Variants in ATP13A2 observed in about 807,000 individuals in gnomAD.
The protein encoded by ATP13A2 is polyamine-transporting ATPase 13A2.
ATP13A2 carries 83 observed loss-of-function variants against 138.3 expected under a neutral mutation model. The ratio of observed to expected loss-of-function variants is 0.60; its 90% CI spans 0.50 to 0.72. ATP13A2 has a LOEUF of 0.72. Among genes scored for constraint, ATP13A2 ranks in the 30% least tolerant of loss-of-function variants. ATP13A2 has a pLI of 0.00. For missense variants in ATP13A2, 1,402 were observed against 1,606.4 expected (o/e 0.87, Z 2.17); for synonymous variants, 663 against 699.0 (o/e 0.95, Z 0.81).
chr1:16,992,565 G>A lies in ATP13A2; in HGVS notation c.1766C>T (p.Pro589Leu), dbSNP rs758992649. The A allele has an allele frequency of 6.7e-5, 108 of 1,614,098 alleles. No homozygotes were observed. The highest frequency in any genetic ancestry group is 2.5e-4 in the South Asian group (23 of 91,090). ...ESTGWVLEEE[P>L]AADSAFGTQV... ...GGTCCCAAATGCTGAGTCTGCAGCCGGCTCTTCCTCCAGGACCTGGCAGGC... is the reference window on the plus strand; with the variant it reads ...GGTCCCAAATGCTGAGTCTGCAGCCAGCTCTTCCTCCAGGACCTGGCAGGC... The change falls in exon 17 of 29, where the codon CCG becomes CTG. Residue 589 changes from proline (P) to leucine (L), a missense_variant. Coordinates refer to ENST00000326735, the MANE Select transcript of ATP13A2 (RefSeq NM_022089.4).
rs746522941 is a variant in ATP13A2 at position 17,004,352 on chromosome 1, C to G, written c.537G>C (p.Gln179His). ...QGQRYIWIET[Q>H]QAFYQVSLLD... The stretch of plus-strand genomic sequence containing the variant: ...CCTACCTGACCTGGTAGAAGGCTTG[C>G]TGGGTCTCGATCCAGATATAGCGCT... Residue 179 changes from glutamine (Q) to histidine (H), a missense_variant, in exon 6 of 29, where the codon CAG (glutamine) becomes CAC (histidine). By Grantham distance (24) the Gln-to-His change is conservative (BLOSUM62 0). Transcript: ENST00000326735. This position sits in a 1 kb window ranked among gnomAD's most constrained non-coding sequence, Gnocchi z 4.1. 6.2e-7 allele frequency: 1 copy of G among 1,613,994 alleles called. No homozygotes were observed. Among genetic ancestry groups the G allele is most frequent in the Non-Finnish European group, 8.5e-7 (1 of 1,179,976 alleles).
intron 15 of ATP13A2, among the ~76,000 whole-genome samples, chr1:16,994,152 T>C (rs1330702442): frequency 6.6e-6 from 1 of 152,096 alleles, no homozygotes; most frequent in African/African-American, 2.4e-5. Flanking sequence ...CACTTGTGCA[T>C]TGTGGTTAAG....
intron 23 of ATP13A2, among the ~76,000 whole-genome samples, chr1:16,989,381 T>C (rs1386820253): frequency 6.6e-6 from 1 of 152,148 alleles, no homozygotes; most frequent in Non-Finnish European, 1.5e-5. Context: ...GGCTAATTTT[T>C]AAATTTTTAA....
chr1:16,986,406 G>A lies in ATP13A2; in HGVS notation c.3406-48C>T, dbSNP rs774002040. ...CAGGGGCAGCCGGGGCTGAGCTGGG[G>A]TCAATGCACCCCCACCTCCCTTCTC... On this transcript the variant is annotated intron_variant, in intron 28 of 28. Coordinates refer to ENST00000326735, the MANE Select transcript of ATP13A2 (RefSeq NM_022089.4). This position sits in a 1 kb window ranked among gnomAD's most constrained non-coding sequence, Gnocchi z 6.9. 9.0e-5 allele frequency: 144 copies of A among 1,601,344 alleles called. No individual in the cohort carries two copies. The highest frequency in any genetic ancestry group is 1.1e-4 in the Non-Finnish European group (132 of 1,176,606).
In ATP13A2 at chr1:16,992,355, A is replaced by C. The variant is rs1305479553; in HGVS notation, c.1893T>G (p.Ser631=). The change falls in exon 18 of 29, where the codon TCT becomes TCG. Residue 631 remains serine (S), a synonymous_variant. Transcript: ENST00000326735. ...PVSVLHRFPF[S]SALQRMSVVV... The stretch of plus-strand genomic sequence containing the variant: ...CCACACTCATGCGCTGCAGAGCCGA[A>C]GAGAAGGGGAAGCGGTGGAGGACGC... The C allele has an allele frequency of 8.1e-6, 13 of 1,613,378 alleles. No individual in the cohort carries two copies. The East Asian group carries it at 2.9e-4, about 36-fold the overall frequency.
Position 16,988,126 on chromosome 1 carries a change from G to A in ATP13A2, c.2859+12C>T. On this transcript the variant is annotated intron_variant, in intron 25 of 28. Transcript: ENST00000326735. ...GGGACGGCTCTGGGTACGGAGCTCT[G>A]CAGATACTCACCGTGTAGAGGATCA... The A allele has an allele frequency of 6.2e-7, 1 of 1,610,474 alleles. No homozygotes were observed. The highest frequency in any genetic ancestry group is 1.3e-5 in the African/African-American group (1 of 74,988).
chr1:16,997,157 A>G lies in ATP13A2; in HGVS notation c.1058T>C (p.Leu353Pro), dbSNP rs2077160969. The G allele has an allele frequency of 1.9e-6, 3 of 1,613,478 alleles. No individual in the cohort carries two copies. Among genetic ancestry groups the G allele is most frequent in the Non-Finnish European group, 2.5e-6 (3 of 1,180,036 alleles). The change falls in exon 12 of 29, where the codon CTG becomes CCG. Residue 353 changes from leucine (L) to proline (P), a missense_variant. Coordinates refer to ENST00000326735, the MANE Select transcript of ATP13A2 (RefSeq NM_022089.4). ...CAGCCCCTCCGGCAGTGCCGTCTTC[A>G]GCACTGGAATGCTCTCTCCTGGTGG... is the stretch of plus-strand genomic sequence containing the variant. The part of the protein sequence containing the change: ...SSLTGESIPV[L>P]KTALPEGLGP...
intron 12 of ATP13A2, 39 bp downstream of exon 12, chr1:16,996,981 G>A: frequency 1.3e-6 from 2 of 1,599,570 alleles, no homozygotes; most frequent in Non-Finnish European, 1.7e-6. Context: ...AGGGTGCTGA[G>A]CCCGGGATCT....
chr1:17,006,273 C>T (rs563847628), intron 1 of ATP13A2, among the ~76,000 whole-genome samples: 6 of 139,176 alleles, frequency 4.3e-5, no homozygotes, highest in South Asian at 2.3e-4. Flanking sequence ...TTTTTTGAGA[C>T]GGAGTGTCAC....
rs926687616 is a variant in ATP13A2, at chr1:16,995,679, C to A, written c.1542+297G>T. 2 of 462,668 alleles carry A rather than the reference C, an allele frequency of 4.3e-6. No individual in the cohort carries two copies. The highest frequency in any genetic ancestry group is 4.0e-6 in the Non-Finnish European group (1 of 247,356). The allele number at this position is 462,668 out of a possible 1,614,324, so 28.7% of individuals were successfully genotyped here. A position where few individuals can be genotyped will look rare whatever the true frequency, so the allele number is the denominator to read the frequency against. ...CAGGCTGGTCTTGAACTCCTGACCT[C>A]AAGTGATGTATCTGCCTCAGCCTCC... On this transcript the variant is annotated intron_variant, in intron 15 of 28. Transcript: ENST00000326735. The surrounding 1 kb of genome is among the most constrained non-coding windows in gnomAD (Gnocchi z 4.1).
chr1:16,992,997 C>T (rs938692938), intron 16 of ATP13A2, among the ~76,000 whole-genome samples: 3 of 151,722 alleles, frequency 2.0e-5, no homozygotes, highest in Non-Finnish European at 4.4e-5. Flanking sequence ...CTTACTGCAA[C>T]CTCTGCCTCC....
At chr1:16,996,743 G>A in intron 12 of ATP13A2, 2 of 617,914 alleles carry the variant, frequency 3.2e-6, no homozygotes, top group Non-Finnish European at 5.7e-6. Flanking sequence ...ACACAGGGAA[G>A]GCTCCTGCCT....
At chr1:17,003,092 C>T (rs1162389050) in intron 6 of ATP13A2, among the ~76,000 whole-genome samples, 1 of 152,144 alleles carries the variant, frequency 6.6e-6, no homozygotes, top group Non-Finnish European at 1.5e-5. Context: ...GTGGTCTACG[C>T]TGGCCCAAGG....
At position 17,000,299 on chromosome 1, in the gene ATP13A2, A is replaced by G. The variant is rs1220881614; in HGVS notation, c.854T>C (p.Leu285Pro). ...CATGGACAACTTGACCATGTCCCTT[A>G]GAGTCTGGCTTTGCTGTGGGCAGGG... ...LYKTRKQSQTLRDMVKLSMRV... is the reference protein window; with the variant it reads ...LYKTRKQSQTPRDMVKLSMRV... The change falls in exon 10 of 29, where the codon CTA becomes CCA. Residue 285 changes from leucine (L) to proline (P), a missense_variant. By Grantham distance (98) the Leu-to-Pro change is moderately conservative. Coordinates refer to ENST00000326735, the MANE Select transcript of ATP13A2 (RefSeq NM_022089.4). 1 of 1,580,708 alleles carries G rather than the reference A, an allele frequency of 6.3e-7. No homozygotes were observed. Among genetic ancestry groups the G allele is most frequent in the Non-Finnish European group, 8.6e-7 (1 of 1,163,446 alleles).
intron 8 of ATP13A2, among the ~76,000 whole-genome samples, chr1:17,001,632 A>G (rs963933949): frequency 7.9e-5 from 12 of 152,150 alleles, no homozygotes; most frequent in African/African-American, 2.7e-4. Flanking sequence ...ACAGCCTCCA[A>G]CTGAAGCTTG....
At chr1:16,991,519 TC>T (rs2076927044) in intron 20 of ATP13A2, among the ~76,000 whole-genome samples, 1 of 152,310 alleles carries the variant, frequency 6.6e-6, no homozygotes, top group East Asian at 1.9e-4. Flanking sequence ...GTCACTCCAC[TC>T]CTCTGAGTCT....
At chr1:16,992,871 C>T (rs976077842) in intron 16 of ATP13A2, among the ~76,000 whole-genome samples, 3 of 152,232 alleles carry the variant, frequency 2.0e-5, no homozygotes, top group Non-Finnish European at 2.9e-5. Flanking sequence ...TGTGGCCGTG[C>T]GCTGGCGCAT....
In ATP13A2 at chr1:16,990,283, G is replaced by A; in HGVS notation, c.2256C>T (p.Asp752=). 6.2e-7 allele frequency: 1 copy of A among 1,614,016 alleles called. No homozygotes were observed. The highest frequency in any genetic ancestry group is 8.5e-7 in the Non-Finnish European group (1 of 1,180,018). ...CCACAGTCACCGCTGTCTGCAGGTT[G>A]TCCCCTGGGGGTTATGGGGCAAGGT... ...TRIRAVMVTG[D]NLQTAVTVAR... The change falls in exon 21 of 29, where the codon GAC becomes GAT. Residue 752 remains aspartate, a synonymous_variant. Coordinates refer to ENST00000326735, the MANE Select transcript of ATP13A2 (RefSeq NM_022089.4).
chr1:17,004,375 G>C lies in ATP13A2; in HGVS notation c.514C>G (p.Arg172Gly), dbSNP rs1471625532. The C allele has an allele frequency of 1.9e-6, 3 of 1,613,940 alleles. No individual in the cohort carries two copies. ...TGCTGGGTCTCGATCCAGATATAGC[G>C]CTGGCCCTGGAAGAGGTAATACCGC... is the stretch of plus-strand genomic sequence containing the variant. ...VLRYYLFQGQRYIWIETQQAF... is the reference protein window; with the variant it reads ...VLRYYLFQGQGYIWIETQQAF... The change falls in exon 6 of 29, where the codon CGC becomes GGC. Residue 172 changes from arginine to glycine, a missense_variant. Transcript: ENST00000326735. This position sits in a 1 kb window ranked among gnomAD's most constrained non-coding sequence, Gnocchi z 4.1.
Sources: gnomAD v4.1 joint callset for allele counts (sites outside exome capture counted in the v4.1 genomes callset) on GRCh38, gnomAD v4.1.1 for gene constraint, Gnocchi (gnomAD v3.1) non-coding constraint, MANE v1.5 for transcripts, NCBI Gene and HGNC (gene_info 2026-07-23, HGNC 2026-07-21) for gene names.